Variants in ADAMTS20 observed in about 807,000 individuals in gnomAD.
ADAMTS20 encodes ADAM metallopeptidase with thrombospondin type 1 motif 20, also known as A disintegrin and metalloproteinase with thrombospondin motifs 20.
A neutral mutation model predicts 260.1 loss-of-function variants in ADAMTS20; 225 were observed. The observed-to-expected ratio is 0.87, with a 90% CI of 0.78 to 0.97. The LOEUF (loss-of-function observed/expected upper bound fraction) is 0.97, where lower values mean the gene tolerates loss of function less well. Among genes scored for constraint, ADAMTS20 ranks in the 50% least tolerant of loss-of-function variants. The pLI is 0.00. For synonymous variants in ADAMTS20, 802 were observed against 769.5 expected, an observed-to-expected ratio of 1.04 and a Z score of -0.70; for missense variants, 2,400 against 2,337.7, an observed-to-expected ratio of 1.03 and a Z score of -0.55.
At chr12:43,472,440 A>T (rs1942280663) in intron 7 of ADAMTS20, among the ~76,000 whole-genome samples, 1 of 134,170 alleles carries the variant, frequency 7.5e-6, no homozygotes, top group Non-Finnish European at 1.6e-5. Flanking sequence ...GAACTTCCCC[A>T]ATCTAGCAAG....
At chr12:43,398,374 A>T (rs556252511) in intron 29 of ADAMTS20, among the ~76,000 whole-genome samples, 1 of 152,246 alleles carries the variant, frequency 6.6e-6, no homozygotes, top group Non-Finnish European at 1.5e-5. Flanking sequence ...CTTCTTTTAC[A>T]GGCTAAATTG....
chr12:43,461,661 G>A (rs1328152310), intron 11 of ADAMTS20, among the ~76,000 whole-genome samples: 4 of 152,036 alleles, frequency 2.6e-5, no homozygotes, highest in African/African-American at 9.7e-5. Context: ...GCCCATATCA[G>A]CAGCCCAGCA....
intron 2 of ADAMTS20, among the ~76,000 whole-genome samples, chr12:43,536,590 G>A (rs1943298516): frequency 6.6e-6 from 1 of 152,242 alleles, no homozygotes; most frequent in African/African-American, 2.4e-5. Flanking sequence ...TGAGGCTAGA[G>A]TAATCAGGAG....
At chr12:43,436,025 C>T (rs1190558674) in intron 18 of ADAMTS20, among the ~76,000 whole-genome samples, 1 of 151,800 alleles carries the variant, frequency 6.6e-6, no homozygotes, top group Non-Finnish European at 1.5e-5. Context: ...GCTCCTTTCT[C>T]AATATCTTTT....
intron 8 of ADAMTS20, 86 bp from the exon 9 acceptor site, chr12:43,466,881 C>T: frequency 1.0e-6 from 1 of 979,288 alleles, no homozygotes; most frequent in African/African-American, 1.7e-5. Context: ...CATTATAATA[C>T]AATATAAAAT....
chr12:43,498,314 A>G (rs567163160), intron 4 of ADAMTS20, among the ~76,000 whole-genome samples: 1 of 152,354 alleles, frequency 6.6e-6, no homozygotes, highest in Admixed American at 6.5e-5. Context: ...GCAAAGAAAA[A>G]GTTTAAGAAG....
chr12:43,390,302 T>A (rs2137237884), intron 29 of ADAMTS20, among the ~76,000 whole-genome samples: 1 of 152,348 alleles, frequency 6.6e-6, no homozygotes, highest in South Asian at 2.1e-4. Flanking sequence ...ATAGCTTAGA[T>A]TGAAATTGCT....
intron 14 of ADAMTS20, among the ~76,000 whole-genome samples, chr12:43,449,177 A>G (rs970140725): frequency 6.6e-6 from 1 of 152,180 alleles, no homozygotes; most frequent in African/African-American, 2.4e-5. Context: ...ATAAAGACAC[A>G]TGCAGGTGTA....
At chr12:43,492,969 TACTTC>T (rs1200801406) in intron 5 of ADAMTS20, among the ~76,000 whole-genome samples, 196 bp downstream of exon 5, 1 of 152,226 alleles carries the variant, frequency 6.6e-6, no homozygotes, top group African/African-American at 2.4e-5. Flanking sequence ...TCACTTTTGT[TACTTC>T]CTTTACTCAG....
chr12:43,516,732 A>G (rs774715588), intron 3 of ADAMTS20, among the ~76,000 whole-genome samples: 5 of 152,100 alleles, frequency 3.3e-5, no homozygotes, highest in African/African-American at 4.8e-5. Flanking sequence ...TCTATCCAAC[A>G]CAAGAAAATT....
At chr12:43,543,455 G>A (rs1592118028) in intron 2 of ADAMTS20, among the ~76,000 whole-genome samples, 1 of 152,184 alleles carries the variant, frequency 6.6e-6, no homozygotes, top group African/African-American at 2.4e-5. Context: ...GCAAGTTGGG[G>A]TTAGGGTTGC....
chr12:43,438,893 T>C (rs1487259068), intron 18 of ADAMTS20, among the ~76,000 whole-genome samples: 1 of 152,224 alleles, frequency 6.6e-6, no homozygotes, highest in Non-Finnish European at 1.5e-5. Flanking sequence ...TATAGTACTG[T>C]ATTTACCATT....
At chr12:43,411,512 C>G (rs1197059773) in intron 28 of ADAMTS20, among the ~76,000 whole-genome samples, 2 of 151,986 alleles carry the variant, frequency 1.3e-5, no homozygotes, top group Non-Finnish European at 2.9e-5. Context: ...GGATTACAGG[C>G]GCCCACCACC....
chr12:43,380,028 T>C (rs964657678), intron 31 of ADAMTS20, among the ~76,000 whole-genome samples: 3 of 149,718 alleles, frequency 2.0e-5, no homozygotes, highest in African/African-American at 7.3e-5. Flanking sequence ...AGAATATAGA[T>C]GTAAAGTTCT....
chr12:43,490,272 A>T, intron 7 of ADAMTS20, 123 bp downstream of exon 7: 1 of 537,106 alleles, frequency 1.9e-6, no homozygotes, highest in Non-Finnish European at 3.2e-6. Context: ...AAGTGTAATA[A>T]TTTATCAAGA....
At chr12:43,490,270 T>C in intron 7 of ADAMTS20, 125 bp downstream of exon 7, 1 of 526,596 alleles carries the variant, frequency 1.9e-6, no homozygotes. Context: ...ACAAGTGTAA[T>C]AATTTATCAA....
chr12:43,513,449 A>G (rs1212388150), intron 3 of ADAMTS20, among the ~76,000 whole-genome samples: 1 of 152,170 alleles, frequency 6.6e-6, no homozygotes, highest in African/African-American at 2.4e-5. Context: ...GAACATGCAC[A>G]CCTGCTGTCT....
At chr12:43,363,460 A>T (rs148740921) in intron 37 of ADAMTS20, among the ~76,000 whole-genome samples, 4 of 152,260 alleles carry the variant, frequency 2.6e-5, no homozygotes, top group Non-Finnish European at 5.9e-5. Context: ...CTCCATGCTG[A>T]CAAGGTCAAA....
In ADAMTS20 at chr12:43,422,074, C is replaced by A. The variant is rs144377653; in HGVS notation, c.4284+3440G>T. Among the ~76,000 whole-genome samples, 978 of 152,102 alleles carry A rather than the reference C, an allele frequency of 6.4e-3. 11 individuals carry two copies. Among genetic ancestry groups the A allele is most frequent in the African/African-American group, 0.022 (913 of 41,526 alleles). On this transcript the variant is annotated intron_variant, in intron 28 of 38. Coordinates refer to ENST00000389420, the MANE Select transcript of ADAMTS20 (RefSeq NM_025003.5). ...ACTAATAAACGGGTTAAAATACAATCATTTCACGCTGACTAATCACCAAAA... is the reference window on the plus strand; with the variant it reads ...ACTAATAAACGGGTTAAAATACAATAATTTCACGCTGACTAATCACCAAAA...
Sources: allele counts gnomAD v4.1 joint callset (sites outside exome capture counted in the v4.1 genomes callset), GRCh38; gene constraint gnomAD v4.1.1; transcripts MANE v1.5; gene names NCBI Gene and HGNC (gene_info 2026-07-23, HGNC 2026-07-21).